Variants in HAUS2 observed in about 807,000 individuals in gnomAD.
HAUS2 encodes the protein HAUS augmin like complex subunit 2, also known as HAUS augmin-like complex subunit 2.
In HAUS2, 20 loss-of-function variants were observed where a neutral mutation model predicts 21.6. That is an observed-to-expected ratio of 0.93 (90% CI 0.65 to 1.35). The LOEUF is 1.35. Ranked by LOEUF, HAUS2 falls within the 40% of genes most tolerant of loss-of-function variation. The pLI is 0.00. For missense variants in HAUS2, 297 were observed against 280.7 expected (o/e 1.06, Z -0.42); for synonymous variants, 113 against 95.6 (o/e 1.18, Z -1.06).
At chr15:42,554,156 C>T (rs903461297) in intron 1 of HAUS2, among the ~76,000 whole-genome samples, 1 of 152,130 alleles carries the variant, frequency 6.6e-6, no homozygotes, top group Non-Finnish European at 1.5e-5. Flanking sequence ...TTAACTGTTA[C>T]TGACCTAGTC....
At position 42,567,852 on chromosome 15, in the gene HAUS2, T is replaced by A. The variant is rs981805499; in HGVS notation, c.*1036T>A. 2 of 147,484 alleles carry A rather than the reference T, an allele frequency of 1.4e-5. No individual in the cohort carries two copies. The highest frequency in any genetic ancestry group is 6.7e-5 in the Admixed American group (1 of 14,832). 9.1% of individuals were successfully genotyped at this position (147,484 alleles called of 1,614,324 possible). On this transcript the variant is annotated 3_prime_UTR_variant, in exon 6 of 6. Transcript: ENST00000260372. The stretch of plus-strand genomic sequence containing the variant: ...GAGCAAGACTCCATCTCCAAAAAAA[T>A]AAAAAATACAAAAATTAGCCAGGCA...
chr15:42,551,547 A>G (rs956126210), intron 1 of HAUS2, among the ~76,000 whole-genome samples: 1 of 151,954 alleles, frequency 6.6e-6, no homozygotes, highest in African/African-American at 2.4e-5. Context: ...AAGCCGAGAC[A>G]TGAGAATCGC....
chr15:42,565,112 A>C (rs1159783624), intron 5 of HAUS2, among the ~76,000 whole-genome samples: 4 of 152,156 alleles, frequency 2.6e-5, no homozygotes, highest in Admixed American at 2.6e-4. Flanking sequence ...GTTGGGATTA[A>C]AGGCCTGAGC....
Position 42,569,769 on chromosome 15 carries a change from C to T in HAUS2, c.*2953C>T, listed in dbSNP as rs528436421. The T allele has an allele frequency of 1.3e-5, 2 of 152,278 alleles. No individual in the cohort carries two copies. The highest frequency in any genetic ancestry group is 2.1e-4 in the South Asian group (1 of 4,824). The allele number at this position is 152,278 out of a possible 1,614,324, so 9.4% of individuals were successfully genotyped here. A position where few individuals can be genotyped will look rare whatever the true frequency, so the allele number is the denominator to read the frequency against. On this transcript the variant is annotated 3_prime_UTR_variant, in exon 6 of 6. Coordinates refer to ENST00000260372, the MANE Select transcript of HAUS2 (RefSeq NM_018097.3). ...TAGGATAAGAGTGATCGTAATATCTCGAACATTACATAGACACTTAAAACC... is the reference window on the plus strand; with the variant it reads ...TAGGATAAGAGTGATCGTAATATCTTGAACATTACATAGACACTTAAAACC...
intron 4 of HAUS2, 34 bp downstream of exon 4, chr15:42,561,436 C>G (rs749848363): frequency 1.7e-5 from 25 of 1,463,646 alleles, no homozygotes; most frequent in Non-Finnish European, 2.2e-5. Context: ...ACAGTTACAC[C>G]TGTTTTCTGA....
At chr15:42,563,498 T>C (rs528397922) in intron 4 of HAUS2, among the ~76,000 whole-genome samples, 248 of 152,248 alleles carry the variant, frequency 1.6e-3, no homozygotes, top group Middle Eastern at 3.4e-3. Flanking sequence ...TCTCTAACAT[T>C]AAGTTGGATT....
chr15:42,551,830 C>T (rs932856909), intron 1 of HAUS2, among the ~76,000 whole-genome samples: 15 of 152,092 alleles, frequency 9.9e-5, no homozygotes, highest in Non-Finnish European at 2.1e-4. Context: ...ATTAATTAGA[C>T]AGTTACTGGT....
At position 42,569,788 on chromosome 15, in the gene HAUS2, T is replaced by TA. The variant is rs2057943363; in HGVS notation, c.*2976dup. 6.6e-6 allele frequency: 1 copy of TA among 152,182 alleles called. No individual in the cohort carries two copies. The highest frequency in any genetic ancestry group is 6.5e-5 in the Admixed American group (1 of 15,270). 9.4% of individuals were successfully genotyped at this position (152,182 alleles called of 1,614,324 possible). On this transcript the variant is annotated 3_prime_UTR_variant, in exon 6 of 6. Transcript: ENST00000260372. ...ATATCTCGAACATTACATAGACACTTAAAACCTTTAGTTGTATTTCATCAA... is the reference window on the plus strand; with the variant it reads ...ATATCTCGAACATTACATAGACACTTAAAAACCTTTAGTTGTATTTCATCAA...
intron 5 of HAUS2, among the ~76,000 whole-genome samples, chr15:42,564,268 TAAAA>T (rs750975585): frequency 1.5e-5 from 2 of 130,486 alleles, no homozygotes. Flanking sequence ...CATCTCCCAT[TAAAA>T]AAAAAAAAAA....
chr15:42,563,636 C>G, intron 4 of HAUS2, 113 bp from the exon 5 acceptor site: 1 of 695,248 alleles, frequency 1.4e-6, no homozygotes. Context: ...TATTGGCTCT[C>G]TAGGTTGATT....
chr15:42,563,697 C>G, intron 4 of HAUS2, 52 bp from the exon 5 acceptor site: 1 of 888,282 alleles, frequency 1.1e-6, no homozygotes, highest in Non-Finnish European at 1.9e-6. Flanking sequence ...AGAAAAGGAA[C>G]GTAAAACAAT....
chr15:42,548,887 C>A lies in HAUS2; in HGVS notation c.15C>A (p.Asn5Lys). The A allele has an allele frequency of 6.5e-7, 1 of 1,550,212 alleles. No homozygotes were observed. The highest frequency in any genetic ancestry group is 2.4e-5 in the East Asian group (1 of 41,000). Reference sequence around the variant, plus strand: ...GCGTCCGAGCCATGGCCGCTGCCAACCCGTGGGACCCGGCGTCCGCGCCTA... The same window carrying A: ...GCGTCCGAGCCATGGCCGCTGCCAAACCGTGGGACCCGGCGTCCGCGCCTA... MAAA[N>K]PWDPASAPNG... The change falls in exon 1 of 6, where the codon AAC becomes AAA. Residue 5 changes from asparagine (N) to lysine (K), a missense_variant. By Grantham distance (94) the Asn-to-Lys change is moderately conservative (BLOSUM62 0). Transcript: ENST00000260372.
intron 1 of HAUS2, among the ~76,000 whole-genome samples, chr15:42,557,916 A>G (rs966498159): frequency 2.0e-5 from 3 of 152,200 alleles, no homozygotes; most frequent in African/African-American, 7.2e-5. Context: ...ATAAACTATC[A>G]GTAATACAAA....
intron 1 of HAUS2, among the ~76,000 whole-genome samples, chr15:42,549,292 G>A (rs1449177602): frequency 6.6e-6 from 1 of 152,046 alleles, no homozygotes; most frequent in Admixed American, 6.6e-5. Flanking sequence ...GTAAGGGCGG[G>A]GATGGGAAAT....
chr15:42,558,819 A>G (rs1158919365), intron 2 of HAUS2, among the ~76,000 whole-genome samples: 1 of 151,914 alleles, frequency 6.6e-6, no homozygotes, highest in African/African-American at 2.4e-5. Context: ...GTAACCAGAC[A>G]TGGTGGCACA....
chr15:42,552,366 A>G (rs2057734009), intron 1 of HAUS2, among the ~76,000 whole-genome samples: 1 of 152,186 alleles, frequency 6.6e-6, no homozygotes, highest in East Asian at 1.9e-4. Flanking sequence ...TGATTCTTTC[A>G]AAATGATTTG....
At position 42,549,039 on chromosome 15, in the gene HAUS2, C is replaced by G. The variant is rs2057688668; in HGVS notation, c.93+74C>G. The G allele has an allele frequency of 1.0e-6, 1 of 973,912 alleles. No homozygotes were observed. The highest frequency in any genetic ancestry group is 1.4e-5 in the South Asian group (1 of 72,028). The allele number at this position is 973,912 out of a possible 1,614,324, so 60.3% of individuals were successfully genotyped here. On this transcript the variant is annotated intron_variant, in intron 1 of 5. Transcript: ENST00000260372. ...ACAATATGGCTGTGAGTTGGTGCTG[C>G]TGGCTGTGGGAGTGGTGAGGGTCCT...
chr15:42,556,545 G>A (rs1422517938), intron 1 of HAUS2, among the ~76,000 whole-genome samples: 1 of 152,024 alleles, frequency 6.6e-6, no homozygotes, highest in Non-Finnish European at 1.5e-5. Flanking sequence ...TTACGGGCAT[G>A]AGCCACTGTG....
chr15:42,561,815 G>A (rs907085632), intron 4 of HAUS2: 1 of 178,220 alleles, frequency 5.6e-6, no homozygotes, highest in African/African-American at 2.4e-5. Context: ...CCTGGATTCT[G>A]TTCTCATCTC....
Sources: allele counts gnomAD v4.1 joint callset (sites outside exome capture counted in the v4.1 genomes callset), GRCh38; gene constraint gnomAD v4.1.1; transcripts MANE v1.5; gene names NCBI Gene and HGNC (gene_info 2026-07-23, HGNC 2026-07-21).